NLGN1: variants seen among roughly 807,000 people sequenced by gnomAD.
The protein encoded by NLGN1 is neuroligin-1.
A neutral mutation model predicts 65.5 loss-of-function variants in NLGN1; 12 were observed. The observed-to-expected ratio is 0.18, with a 90% CI of 0.12 to 0.30. The LOEUF is 0.30. NLGN1 is among the 10% of genes least tolerant of loss of function. The pLI, the probability that NLGN1 is intolerant of heterozygous loss-of-function variation, is 1.00. For synonymous variants in NLGN1, 350 were observed against 359.5 expected (o/e 0.97, Z 0.30); for missense variants, 750 against 1,007.1 (o/e 0.74, Z 3.46).
intron 4 of NLGN1, among the ~76,000 whole-genome samples, chr3:174,228,824 A>G (rs1013124854): frequency 6.6e-6 from 1 of 152,128 alleles, no homozygotes; most frequent in Non-Finnish European, 1.5e-5. Context: ...GTGGGAACCA[A>G]GAAATAGTAC....
intron 2 of NLGN1, among the ~76,000 whole-genome samples, chr3:173,525,408 G>A (rs749987377): frequency 6.6e-6 from 1 of 152,066 alleles, no homozygotes; most frequent in African/African-American, 2.4e-5. Context: ...TGCACATGGA[G>A]ACATTCATAG....
chr3:173,466,530 G>A (rs1414568710), intron 2 of NLGN1, among the ~76,000 whole-genome samples: 1 of 152,116 alleles, frequency 6.6e-6, no homozygotes, highest in Non-Finnish European at 1.5e-5. Context: ...TGGTACTGGT[G>A]TGTTTTGTTT....
chr3:174,199,662 G>C (rs1400052244), intron 4 of NLGN1, among the ~76,000 whole-genome samples: 1 of 152,082 alleles, frequency 6.6e-6, no homozygotes, highest in Admixed American at 6.6e-5. Context: ...TACATGCTCC[G>C]AAAGGCTCAG....
chr3:173,971,708 C>T (rs1196971092), intron 4 of NLGN1, among the ~76,000 whole-genome samples: 1 of 151,980 alleles, frequency 6.6e-6, no homozygotes, highest in Admixed American at 6.6e-5. Flanking sequence ...ACGTGGGTTC[C>T]TTGCAGTCAC....
rs756197394 is a variant in NLGN1 at position 174,279,699 on chromosome 3, A to G, written c.1649+49A>G. On this transcript the variant is annotated intron_variant, in intron 6 of 6. Coordinates refer to ENST00000457714, the Ensembl canonical transcript of NLGN1. This position sits in a 1 kb window ranked among gnomAD's most constrained non-coding sequence, Gnocchi z 4.7. ...TATTTTTAATAAAAATGTTATTTTA[A>G]CCATTTTAAAATAATAGATATTTAT... 1 of 1,159,976 alleles carries G rather than the reference A, an allele frequency of 8.6e-7. No individual in the cohort carries two copies. Among genetic ancestry groups the G allele is most frequent in the Non-Finnish European group, 1.2e-6 (1 of 818,906 alleles). 71.9% of individuals were successfully genotyped at this position (1,159,976 alleles called of 1,614,324 possible). A position where few individuals can be genotyped will look rare whatever the true frequency, so the allele number is the denominator to read the frequency against.
chr3:174,064,589 G>A (rs968521337), intron 4 of NLGN1, among the ~76,000 whole-genome samples: 9 of 149,530 alleles, frequency 6.0e-5, no homozygotes, highest in African/African-American at 2.0e-4. Flanking sequence ...ATTAATGTAT[G>A]ATACATATAT....
chr3:173,623,885 T>A (rs1754406874), intron 3 of NLGN1, among the ~76,000 whole-genome samples: 1 of 152,168 alleles, frequency 6.6e-6, no homozygotes, highest in African/African-American at 2.4e-5. Context: ...AAAAATCTTT[T>A]AAATATTTAA....
chr3:173,463,487 A>T (rs1245093226), intron 2 of NLGN1, among the ~76,000 whole-genome samples: 1 of 152,150 alleles, frequency 6.6e-6, no homozygotes, highest in Non-Finnish European at 1.5e-5. Context: ...GTTAGCACTG[A>T]CTAGAATGTT....
intron 4 of NLGN1, among the ~76,000 whole-genome samples, chr3:173,946,864 C>T (rs1747259421): frequency 6.6e-6 from 1 of 152,034 alleles, no homozygotes; most frequent in East Asian, 1.9e-4. Flanking sequence ...TTCATTGAGA[C>T]AAGAAAACGC....
At chr3:174,173,701 T>A (rs1728948505) in intron 4 of NLGN1, among the ~76,000 whole-genome samples, 1 of 150,988 alleles carries the variant, frequency 6.6e-6, no homozygotes, top group Admixed American at 6.6e-5. Context: ...TTTGTGTGTG[T>A]GTGTATGTTT....
At chr3:173,631,850 G>A (rs1755733418) in intron 3 of NLGN1, among the ~76,000 whole-genome samples, 1 of 151,864 alleles carries the variant, frequency 6.6e-6, no homozygotes, top group South Asian at 2.1e-4. Flanking sequence ...TAAGTTTTGG[G>A]TGAAAATTAT....
intron 4 of NLGN1, among the ~76,000 whole-genome samples, chr3:174,105,423 A>G (rs980368124): frequency 2.6e-5 from 4 of 152,044 alleles, no homozygotes; most frequent in African/African-American, 9.7e-5. Context: ...CCATATCCCA[A>G]CTACTCAGAT....
At chr3:173,962,314 G>A (rs1410460445) in intron 4 of NLGN1, among the ~76,000 whole-genome samples, 1 of 152,018 alleles carries the variant, frequency 6.6e-6, no homozygotes, top group African/African-American at 2.4e-5. Flanking sequence ...AGGTTAAATA[G>A]GAAGTGTCTT....
intron 4 of NLGN1, among the ~76,000 whole-genome samples, chr3:173,999,165 G>A (rs1361443517): frequency 2.0e-5 from 3 of 152,074 alleles, no homozygotes; most frequent in Non-Finnish European, 4.4e-5. Context: ...TGACAGAACA[G>A]ATGAGCTCCT....
chr3:174,134,085 A>G (rs1361882591), intron 4 of NLGN1, among the ~76,000 whole-genome samples: 1 of 152,192 alleles, frequency 6.6e-6, no homozygotes, highest in Non-Finnish European at 1.5e-5. Flanking sequence ...TTGAAGGTGA[A>G]GGAAAAAGAC....
intron 2 of NLGN1, among the ~76,000 whole-genome samples, chr3:173,503,295 A>G (rs1731461917): frequency 6.6e-6 from 1 of 152,234 alleles, no homozygotes; most frequent in South Asian, 2.1e-4. Flanking sequence ...TATGCTGAGT[A>G]CCTACTGTGT....
intron 3 of NLGN1, among the ~76,000 whole-genome samples, chr3:173,698,815 ATGT>A (rs1390522203): frequency 2.6e-5 from 4 of 151,420 alleles, no homozygotes; most frequent in African/African-American, 9.7e-5. Context: ...ATGGTGAGAA[ATGT>A]TGTGTATTGT....
chr3:174,013,970 C>T (rs528967162), intron 4 of NLGN1, among the ~76,000 whole-genome samples: 119 of 152,170 alleles, frequency 7.8e-4, no homozygotes, highest in African/African-American at 2.7e-3. Context: ...TCTCTTCAGC[C>T]TCCCAAAGTG....
chr3:174,286,837 A>G (rs1309862573), downstream of NLGN1, among the ~76,000 whole-genome samples: 1 of 151,470 alleles, frequency 6.6e-6, no homozygotes, highest in East Asian at 1.9e-4. Flanking sequence ...GAATTTAGAG[A>G]ATAGATTTGG....
Sources: allele counts gnomAD v4.1 joint callset (sites outside exome capture counted in the v4.1 genomes callset), GRCh38; gene constraint gnomAD v4.1.1; non-coding constraint Gnocchi (gnomAD v3.1); transcripts MANE v1.5; gene names NCBI Gene and HGNC (gene_info 2026-07-23, HGNC 2026-07-21).